Variants in EDEM2 observed in about 807,000 individuals in gnomAD.
The protein encoded by EDEM2 is ER degradation enhancing alpha-mannosidase like protein 2, also known as ER degradation-enhancing alpha-mannosidase-like protein 2.
Under a neutral mutation model 64.8 loss-of-function variants are expected in EDEM2, and 39 were observed. The observed-to-expected ratio is 0.60, with a 90% CI of 0.47 to 0.79. The LOEUF (loss-of-function observed/expected upper bound fraction) is 0.79, where lower values mean the gene tolerates loss of function less well. Ranked by LOEUF, EDEM2 falls within the 30% of genes least tolerant of loss-of-function variation. The pLI is 0.00. For missense variants in EDEM2, 609 were observed against 731.3 expected (o/e 0.83, Z 1.93); for synonymous variants, 296 against 291.5 (o/e 1.02, Z -0.16).
At position 35,131,771 on chromosome 20, in the gene EDEM2, T is replaced by C. The variant is rs763413780; in HGVS notation, c.715A>G (p.Ile239Val). Residue 239 changes from isoleucine to valine, a missense_variant, in exon 7 of 11, where the codon ATT becomes GTT. Ile to Val is a conservative substitution (Grantham distance 29). Transcript: ENST00000374492. ...RSDIGLVGNH[I>V]DVLTGKWVAQ... is the part of the protein sequence containing the mutation. ...ACCCACTTGCCAGTGAGCACATCAA[T>C]GTGGTTGCCGACCTGAGAGAGAGAA... The C allele has an allele frequency of 1.2e-6, 2 of 1,613,762 alleles. No individual in the cohort carries two copies. Among genetic ancestry groups the C allele is most frequent in the Non-Finnish European group, 1.7e-6 (2 of 1,179,836 alleles).
intron 7 of EDEM2, among the ~76,000 whole-genome samples, chr20:35,129,385 C>T (rs1691037022): frequency 6.6e-6 from 1 of 150,722 alleles, no homozygotes; most frequent in South Asian, 2.1e-4. Flanking sequence ...CCAGCCTGGG[C>T]AACAGAGTGA....
chr20:35,133,755 C>T (rs774743262), intron 6 of EDEM2, among the ~76,000 whole-genome samples: 3 of 152,170 alleles, frequency 2.0e-5, no homozygotes, highest in African/African-American at 2.4e-5. Context: ...GCGTGAGCCA[C>T]CGCACCCAGC....
Position 35,115,934 on chromosome 20 carries a change from C to G in EDEM2, c.1237-1G>C. On this transcript the variant is annotated splice_acceptor_variant, in intron 10 of 10. Coordinates refer to ENST00000374492, the MANE Select transcript of EDEM2 (RefSeq NM_018217.3). LOFTEE classifies it high-confidence loss of function. ...GCTTGTGGTCTCGCAGATCTTTGAT[C>G]TGACATGTGGGAGAAGGAAGCAAGC... 5.6e-6 allele frequency: 9 copies of G among 1,612,490 alleles called. No homozygotes were observed. The highest frequency in any genetic ancestry group is 7.6e-6 in the Non-Finnish European group (9 of 1,178,986).
At chr20:35,135,226 G>C (rs1033543546) in intron 5 of EDEM2, among the ~76,000 whole-genome samples, 3 of 152,210 alleles carry the variant, frequency 2.0e-5, no homozygotes, top group Non-Finnish European at 4.4e-5. Flanking sequence ...GCTTTAGCTA[G>C]AGAGCTTTAC....
intron 7 of EDEM2, among the ~76,000 whole-genome samples, chr20:35,131,172 G>C (rs1402246320): frequency 6.6e-6 from 1 of 152,220 alleles, no homozygotes; most frequent in African/African-American, 2.4e-5. Flanking sequence ...GCTTCAGTTG[G>C]CTTTTGCAAG....
chr20:35,126,556 C>T (rs544449387), intron 7 of EDEM2, among the ~76,000 whole-genome samples, 181 bp from the exon 8 acceptor site: 1 of 152,312 alleles, frequency 6.6e-6, no homozygotes, highest in African/African-American at 2.4e-5. Flanking sequence ...AGCTCCAGCT[C>T]TACCACTTGC....
intron 9 of EDEM2, among the ~76,000 whole-genome samples, chr20:35,121,476 A>C (rs6088723): frequency 0.61 from 92,621 of 152,070 alleles, 28,438 homozygotes; most frequent in Admixed American, 0.71. Context: ...GCTCACACGC[A>C]GCTCACCTCC....
chr20:35,134,934 G>C lies in EDEM2; in HGVS notation c.506C>G (p.Thr169Ser), dbSNP rs767257584. Residue 169 changes from threonine to serine, a missense_variant, in exon 6 of 11, where the codon ACT becomes AGT. Transcript: ENST00000374492. ...GTTCACTGTTCCATATGGCATGCCAGTGGGGGTCTGAAAGGCTGAACAATC... is the reference window on the plus strand; with the variant it reads ...GTTCACTGTTCCATATGGCATGCCACTGGGGGTCTGAAAGGCTGAACAATC... ...RKLLPAFQTP[T>S]GMPYGTVNLL... 1 of 1,614,098 alleles carries C rather than the reference G, an allele frequency of 6.2e-7. No individual in the cohort carries two copies. Among genetic ancestry groups the C allele is most frequent in the South Asian group, 1.1e-5 (1 of 91,084 alleles).
chr20:35,121,995 C>T (rs1197274291), intron 9 of EDEM2, among the ~76,000 whole-genome samples: 1 of 152,122 alleles, frequency 6.6e-6, no homozygotes, highest in Non-Finnish European at 1.5e-5. Flanking sequence ...TGCTATGTTG[C>T]CCAGGCTGAT....
At position 35,146,736 on chromosome 20, in the gene EDEM2, G is replaced by C; in HGVS notation, c.218+89C>G. 3 of 1,393,862 alleles carry C rather than the reference G, an allele frequency of 2.2e-6. No homozygotes were observed. In the South Asian group the frequency reaches 3.8e-5, roughly 18 times the overall value. 86.3% of individuals were successfully genotyped at this position (1,393,862 alleles called of 1,614,324 possible). Reference sequence around the variant, plus strand: ...GGGAGCTTTCTGGTGCCGGTGAGGAGACCATGAAGCCACCAGCCCCAGCTG... The same window carrying C: ...GGGAGCTTTCTGGTGCCGGTGAGGACACCATGAAGCCACCAGCCCCAGCTG... On this transcript the variant is annotated intron_variant, in intron 2 of 10. Coordinates refer to ENST00000374492, the MANE Select transcript of EDEM2 (RefSeq NM_018217.3).
At chr20:35,131,342 G>A (rs950629488) in intron 7 of EDEM2, among the ~76,000 whole-genome samples, 4 of 152,146 alleles carry the variant, frequency 2.6e-5, no homozygotes, top group Non-Finnish European at 4.4e-5. Flanking sequence ...CCTGAGGTCC[G>A]GAGTTTGAGA....
At chr20:35,137,737 T>C (rs1247443833) in intron 5 of EDEM2, 143 bp downstream of exon 5, 12 of 1,223,636 alleles carry the variant, frequency 9.8e-6, no homozygotes, top group African/African-American at 6.1e-5. Context: ...CTGATTTCCA[T>C]GGTGGGTGCC....
rs575217643 is a variant in EDEM2 at position 35,126,382 on chromosome 20, T to A, written c.845-7A>T. 6.2e-7 allele frequency: 1 copy of A among 1,613,004 alleles called. No homozygotes were observed. The highest frequency in any genetic ancestry group is 2.2e-5 in the East Asian group (1 of 44,814). On this transcript the variant is annotated splice_region_variant and splice_polypyrimidine_tract_variant and intron_variant, in intron 7 of 10. Transcript: ENST00000374492. Reference sequence around the variant, plus strand: ...CGGATGGCTTTGTTATACTCTGCAGTGGGGGAGATGGGATAATGGACATAT... The same window carrying A: ...CGGATGGCTTTGTTATACTCTGCAGAGGGGGAGATGGGATAATGGACATAT...
At chr20:35,138,770 G>A (rs573773378) in intron 4 of EDEM2, among the ~76,000 whole-genome samples, 25 of 151,178 alleles carry the variant, frequency 1.7e-4, no homozygotes, top group Non-Finnish European at 3.2e-4. Context: ...TTTTTTTGTA[G>A]ACACGGTGTT....
At chr20:35,129,332 G>A (rs928852507) in intron 7 of EDEM2, among the ~76,000 whole-genome samples, 5 of 151,938 alleles carry the variant, frequency 3.3e-5, no homozygotes, top group South Asian at 2.1e-4. Flanking sequence ...GCTAGAACCC[G>A]GGAGGCAGAG....
chr20:35,122,460 T>C (rs1321292718), intron 9 of EDEM2, among the ~76,000 whole-genome samples: 2 of 152,196 alleles, frequency 1.3e-5, no homozygotes, highest in Admixed American at 1.3e-4. Context: ...CTGCAACTTC[T>C]ACCTCCCGGG....
chr20:35,143,054 C>A (rs1039682661), intron 3 of EDEM2, among the ~76,000 whole-genome samples: 8 of 152,164 alleles, frequency 5.3e-5, no homozygotes, highest in African/African-American at 1.9e-4. Flanking sequence ...CCGCACCTGG[C>A]CAAAAGTCTT....
At position 35,147,279 on chromosome 20, in the gene EDEM2, GC is replaced by G. The variant is rs749938645; in HGVS notation, c.-22del. Reference sequence around the variant, plus strand: ...GGCATAGAGCTCGTGTCCTCTCAGCGCCCCCGCAGCAGCAGCAGCCACTGCA... The same window carrying G: ...GGCATAGAGCTCGTGTCCTCTCAGCGCCCCGCAGCAGCAGCAGCCACTGCA... On this transcript the variant is annotated 5_prime_UTR_variant, in exon 1 of 11. An upstream open reading frame in the 5' UTR loses its in-frame stop. Coordinates refer to ENST00000374492, the MANE Select transcript of EDEM2 (RefSeq NM_018217.3). 3 of 1,495,634 alleles carry G rather than the reference GC, an allele frequency of 2.0e-6. No individual in the cohort carries two copies. Among genetic ancestry groups the G allele is most frequent in the South Asian group, 1.3e-5 (1 of 76,014 alleles). The allele number at this position is 1,495,634 out of a possible 1,614,324, so 92.6% of individuals were successfully genotyped here.
intron 7 of EDEM2, among the ~76,000 whole-genome samples, chr20:35,128,924 AATTTT>A (rs1186001446): frequency 7.0e-6 from 1 of 142,940 alleles, no homozygotes; most frequent in Non-Finnish European, 1.5e-5. Flanking sequence ...AGTTTTTTAA[AATTTT>A]AAAGTTCATA....
Sources: allele counts gnomAD v4.1 joint callset (sites outside exome capture counted in the v4.1 genomes callset), GRCh38; gene constraint gnomAD v4.1.1; transcripts MANE v1.5; gene names NCBI Gene and HGNC (gene_info 2026-07-23, HGNC 2026-07-21).